CCSER1: variants seen among roughly 807,000 people sequenced by gnomAD.
The protein encoded by CCSER1 is serine-rich coiled-coil domain-containing protein 1.
CCSER1 carries 41 observed loss-of-function variants against 82.0 expected under a neutral mutation model. The observed-to-expected ratio is 0.50, with a 90% CI of 0.39 to 0.65. The LOEUF is 0.65. CCSER1 is among the 30% of genes least tolerant of loss of function. CCSER1 has a pLI of 0.00. For missense variants in CCSER1, 1,119 were observed against 1,064.2 expected, an observed-to-expected ratio of 1.05 and a Z score of -0.72; for synonymous variants, 414 against 383.9, an observed-to-expected ratio of 1.08 and a Z score of -0.92.
chr4:91,146,544 G>T (rs1729556134), intron 10 of CCSER1, among the ~76,000 whole-genome samples: 1 of 150,122 alleles, frequency 6.7e-6, no homozygotes, highest in Non-Finnish European at 1.5e-5. Context: ...TCATCTGAGG[G>T]TGCCAGTGTT....
intron 5 of CCSER1, among the ~76,000 whole-genome samples, chr4:90,555,980 A>C (rs898865584): frequency 2.0e-5 from 3 of 152,158 alleles, no homozygotes; most frequent in African/African-American, 7.2e-5. Context: ...TAATGTAGAC[A>C]GTTCAAGTTG....
intron 10 of CCSER1, among the ~76,000 whole-genome samples, chr4:91,140,018 T>C (rs1358230075): frequency 2.6e-5 from 4 of 152,142 alleles, no homozygotes; most frequent in African/African-American, 4.8e-5. Flanking sequence ...ATGATTCTTA[T>C]TAAATAGTTC....
intron 5 of CCSER1, among the ~76,000 whole-genome samples, chr4:90,572,434 TTA>T (rs1780217640): frequency 6.6e-6 from 1 of 152,176 alleles, no homozygotes; most frequent in South Asian, 2.1e-4. Flanking sequence ...TTCTATCCTA[TTA>T]TGTTTCTCTT....
chr4:91,396,824 A>G (rs1262609478), intron 10 of CCSER1, among the ~76,000 whole-genome samples: 1 of 152,026 alleles, frequency 6.6e-6, no homozygotes, highest in African/African-American at 2.4e-5. Flanking sequence ...GCTTATTACG[A>G]GTCAAGAATT....
At chr4:91,247,159 G>A (rs563437124) in intron 10 of CCSER1, among the ~76,000 whole-genome samples, 4 of 152,072 alleles carry the variant, frequency 2.6e-5, no homozygotes, top group South Asian at 2.1e-4. Context: ...AATATTAGCC[G>A]GGTGTGGTGG....
At chr4:91,078,721 T>C (rs1226392987) in intron 9 of CCSER1, among the ~76,000 whole-genome samples, 1 of 152,076 alleles carries the variant, frequency 6.6e-6, no homozygotes, top group East Asian at 1.9e-4. Context: ...AAAAACAGTG[T>C]AGAGAAGTCC....
intron 7 of CCSER1, among the ~76,000 whole-genome samples, chr4:90,752,987 A>T (rs1441987782): frequency 6.6e-6 from 1 of 152,120 alleles, no homozygotes; most frequent in East Asian, 1.9e-4. Context: ...ATGAAAAATA[A>T]TTTTTTCCTC....
chr4:91,106,667 T>A (rs1725650049), intron 10 of CCSER1, among the ~76,000 whole-genome samples: 1 of 152,234 alleles, frequency 6.6e-6, no homozygotes, highest in African/African-American at 2.4e-5. Flanking sequence ...TGCATCCATT[T>A]GGTCTTGGTC....
chr4:91,385,382 A>G (rs1157886902), intron 10 of CCSER1, among the ~76,000 whole-genome samples: 1 of 151,984 alleles, frequency 6.6e-6, no homozygotes, highest in Admixed American at 6.6e-5. Flanking sequence ...GCATATACCA[A>G]CTTATCTGAA....
intron 1 of CCSER1, among the ~76,000 whole-genome samples, chr4:90,249,737 T>A (rs186132435): frequency 1.3e-5 from 2 of 152,278 alleles, no homozygotes; most frequent in Admixed American, 1.3e-4. Flanking sequence ...TTTTTATTGA[T>A]CCATTGATGA....
At chr4:90,865,128 T>C (rs1765574323) in intron 8 of CCSER1, among the ~76,000 whole-genome samples, 1 of 152,050 alleles carries the variant, frequency 6.6e-6, no homozygotes, top group South Asian at 2.1e-4. Flanking sequence ...AATTGTAAAA[T>C]CATGTAAAAT....
chr4:91,215,217 G>A (rs2149090694), intron 10 of CCSER1, among the ~76,000 whole-genome samples: 1 of 152,204 alleles, frequency 6.6e-6, no homozygotes, highest in Middle Eastern at 3.5e-3. Context: ...ACACTTAAGA[G>A]TAAGACTACT....
chr4:91,238,978 C>T (rs62311978), intron 10 of CCSER1, among the ~76,000 whole-genome samples: 5,658 of 152,056 alleles, frequency 0.037, 177 homozygotes, highest in African/African-American at 0.079. Context: ...TGCCCACCAC[C>T]GTGCCTGGCT....
chr4:90,324,305 A>G (rs1393713172), intron 3 of CCSER1, among the ~76,000 whole-genome samples: 3 of 151,250 alleles, frequency 2.0e-5, no homozygotes, highest in African/African-American at 7.3e-5. Flanking sequence ...AAGTGTTCCT[A>G]TTTCTCCACA....
At chr4:91,018,399 T>A (rs1739627574) in intron 9 of CCSER1, among the ~76,000 whole-genome samples, 1 of 152,158 alleles carries the variant, frequency 6.6e-6, no homozygotes, top group South Asian at 2.1e-4. Context: ...CTCTCATTTG[T>A]ACTACTAAGC....
At chr4:90,386,142 G>A (rs1750010324) in intron 3 of CCSER1, among the ~76,000 whole-genome samples, 1 of 152,106 alleles carries the variant, frequency 6.6e-6, no homozygotes, top group African/African-American at 2.4e-5. Flanking sequence ...TTTGTTCACA[G>A]AATTAGAAAA....
intron 6 of CCSER1, chr4:90,642,389 A>C (rs1453792643): frequency 6.6e-6 from 1 of 152,368 alleles, no homozygotes; most frequent in Non-Finnish European, 1.5e-5. Context: ...AGTGTTTCAG[A>C]ATCTAGTGAC....
intron 10 of CCSER1, among the ~76,000 whole-genome samples, chr4:91,315,103 C>G (rs1213055397): frequency 1.3e-5 from 2 of 151,728 alleles, no homozygotes; most frequent in Non-Finnish European, 2.9e-5. Context: ...TATTTACCCA[C>G]TTCAGCCAAT....
intron 1 of CCSER1, among the ~76,000 whole-genome samples, chr4:90,253,355 AT>A (rs1174429701): frequency 2.0e-5 from 3 of 152,046 alleles, no homozygotes; most frequent in Non-Finnish European, 2.9e-5. Flanking sequence ...AGCTTGAAGA[AT>A]TTTTTTAGTA....
Sources: allele counts gnomAD v4.1 joint callset (sites outside exome capture counted in the v4.1 genomes callset), GRCh38; gene constraint gnomAD v4.1.1; transcripts MANE v1.5; gene names NCBI Gene and HGNC (gene_info 2026-07-23, HGNC 2026-07-21).